TJP1: variants seen among roughly 807,000 people sequenced by gnomAD.
TJP1 encodes the protein tight junction protein ZO-1.
Under a neutral mutation model 194.2 loss-of-function variants are expected in TJP1, and 43 were observed. The observed-to-expected ratio is 0.22, with a 90% CI of 0.17 to 0.29. The LOEUF (loss-of-function observed/expected upper bound fraction) is 0.29. Among genes scored for constraint, TJP1 ranks in the 10% least tolerant of loss-of-function variants. The pLI is 1.00. For missense variants in TJP1, 1,971 were observed against 2,185.7 expected, an observed-to-expected ratio of 0.90 and a Z score of 1.96; for synonymous variants, 801 against 779.0, an observed-to-expected ratio of 1.03 and a Z score of -0.47.
chr15:29,791,822 G>T (rs1240732732), intron 2 of TJP1, among the ~76,000 whole-genome samples: 1 of 151,902 alleles, frequency 6.6e-6, no homozygotes, highest in Non-Finnish European at 1.5e-5. Context: ...ATTTTAACTG[G>T]GATGAAATAT....
intron 2 of TJP1, among the ~76,000 whole-genome samples, chr15:29,953,015 T>C (rs2055806273): frequency 6.6e-6 from 1 of 152,162 alleles, no homozygotes; most frequent in South Asian, 2.1e-4. Context: ...CATGATTATA[T>C]TACAAAGTCA....
chr15:29,968,705 G>T, exon 1 of TJP1: 1 of 1,196,512 alleles, frequency 8.4e-7, no homozygotes, highest in Non-Finnish European at 1.1e-6. Flanking sequence ...TGCCGCGGTT[G>T]GAGGGGGTGA....
chr15:29,879,521 A>ATGAT (rs1285630998), intron 2 of TJP1, among the ~76,000 whole-genome samples: 1 of 152,142 alleles, frequency 6.6e-6, no homozygotes, highest in Non-Finnish European at 1.5e-5. Context: ...GGCTGCATTA[A>ATGAT]TGATTATTAG....
chr15:29,807,918 G>T (rs949166973), intron 1 of TJP1, among the ~76,000 whole-genome samples: 1 of 152,126 alleles, frequency 6.6e-6, no homozygotes, highest in Non-Finnish European at 1.5e-5. Context: ...ATGAACACAT[G>T]AATTTCATAA....
intron 6 of TJP1, 62 bp from the exon 7 acceptor site, chr15:29,761,831 T>G (rs569257556): frequency 1.4e-6 from 2 of 1,409,568 alleles, no homozygotes; most frequent in East Asian, 2.5e-5. Context: ...TTAACTTAGT[T>G]TGTTATAAAC....
intron 2 of TJP1, among the ~76,000 whole-genome samples, chr15:29,939,385 C>A (rs891450858): frequency 6.6e-6 from 1 of 152,146 alleles, no homozygotes; most frequent in Admixed American, 6.5e-5. Context: ...CAGTCTGTGA[C>A]CCTCCATTTC....
At chr15:29,703,646 CA>C (rs1162450704) in intron 27 of TJP1, among the ~76,000 whole-genome samples, 13 of 151,238 alleles carry the variant, frequency 8.6e-5, no homozygotes, top group East Asian at 3.9e-4. Context: ...GCCATATTAT[CA>C]AAAAAAAATT....
intron 2 of TJP1, among the ~76,000 whole-genome samples, chr15:29,777,708 A>C (rs2047104459): frequency 1.0e-4 from 2 of 19,274 alleles, no homozygotes; most frequent in South Asian, 0.015. Flanking sequence ...ACAAAACTAC[A>C]AATGTACTAT....
At chr15:29,917,611 G>A (rs2054228411) in intron 2 of TJP1, among the ~76,000 whole-genome samples, 1 of 152,176 alleles carries the variant, frequency 6.6e-6, no homozygotes, top group African/African-American at 2.4e-5. Context: ...AGGCTTAGGG[G>A]AGCAGGACCC....
intron 7 of TJP1, 92 bp from the exon 8 acceptor site, chr15:29,761,378 T>A: frequency 6.9e-7 from 1 of 1,445,942 alleles, no homozygotes; most frequent in Non-Finnish European, 9.4e-7. Context: ...AGCTAGTAAG[T>A]AAAATTATAT....
chr15:29,754,058 C>T (rs917686046), intron 8 of TJP1, among the ~76,000 whole-genome samples: 15 of 152,232 alleles, frequency 9.9e-5, no homozygotes, highest in African/African-American at 3.6e-4. Context: ...AATCATTCTA[C>T]CATAAAGACA....
intron 1 of TJP1, among the ~76,000 whole-genome samples, chr15:29,813,479 G>C (rs62014467): frequency 0.14 from 20,979 of 152,114 alleles, 1,912 homozygotes; most frequent in Non-Finnish European, 0.21. Context: ...TACAAGAACT[G>C]AATGAAAACT....
chr15:29,820,321 T>TA (rs1049747162), intron 1 of TJP1, among the ~76,000 whole-genome samples: 21 of 152,294 alleles, frequency 1.4e-4, no homozygotes, highest in African/African-American at 5.1e-4. Flanking sequence ...TCATTTCACT[T>TA]ATTCATTTAT....
chr15:29,788,922 C>T (rs1464895172), intron 2 of TJP1, among the ~76,000 whole-genome samples: 1 of 152,102 alleles, frequency 6.6e-6, no homozygotes, highest in South Asian at 2.1e-4. Flanking sequence ...AAGCTACACA[C>T]CTACACTAAT....
intron 2 of TJP1, among the ~76,000 whole-genome samples, chr15:29,949,225 CACCACCACT>C (rs2055417704): frequency 7.3e-5 from 8 of 109,636 alleles, no homozygotes; most frequent in Admixed American, 7.1e-4. Flanking sequence ...CCTCCACTTT[CACCACCACT>C]ACCTCCACCT....
intron 15 of TJP1, among the ~76,000 whole-genome samples, chr15:29,731,526 C>T (rs940467386): frequency 3.9e-5 from 6 of 152,186 alleles, no homozygotes; most frequent in Admixed American, 1.3e-4. Flanking sequence ...CTGCCATTTT[C>T]GTTTCACTTC....
Position 29,700,721 on chromosome 15 carries a change from C to A in TJP1, c.*874G>T, listed in dbSNP as rs377606383. The A allele has an allele frequency of 4.1e-3, 577 of 142,052 alleles. No homozygotes were observed. Among genetic ancestry groups the A allele is most frequent in the East Asian group, 5.3e-3 (33 of 6,228 alleles). 8.8% of individuals were successfully genotyped at this position (142,052 alleles called of 1,614,324 possible). A position where few individuals can be genotyped will look rare whatever the true frequency, so the allele number is the denominator to read the frequency against. On this transcript the variant is annotated 3_prime_UTR_variant, in exon 28 of 28. Transcript: ENST00000614355. ...ACAGAAAACCACCACTGCCCCTTGT[C>A]AAAAAAAAAAAAAAAGAAAAGAAAA...
chr15:29,805,051 C>T (rs1234194282), intron 1 of TJP1, among the ~76,000 whole-genome samples: 1 of 152,160 alleles, frequency 6.6e-6, no homozygotes, highest in African/African-American at 2.4e-5. Context: ...AATGAACAGG[C>T]TACAAATTCA....
At chr15:29,735,215 GAAA>G in intron 11 of TJP1, among the ~76,000 whole-genome samples, 1 of 133,340 alleles carries the variant, frequency 7.5e-6, no homozygotes, top group Non-Finnish European at 1.6e-5. Flanking sequence ...GATTAAAAAA[GAAA>G]AAAAAAAACC....
Sources: gnomAD v4.1 joint callset for allele counts (sites outside exome capture counted in the v4.1 genomes callset) on GRCh38, gnomAD v4.1.1 for gene constraint, MANE v1.5 for transcripts, NCBI Gene and HGNC (gene_info 2026-07-23, HGNC 2026-07-21) for gene names.